The following MOGAT1 variants were observed in gnomAD, a reference collection of about 807,000 sequenced individuals.
The protein encoded by MOGAT1 is monoacylglycerol O-acyltransferase 1.
A neutral mutation model predicts 31.4 loss-of-function variants in MOGAT1; 32 were observed. That is an observed-to-expected ratio of 1.02 (90% confidence interval 0.77 to 1.37). MOGAT1 has a LOEUF of 1.37. Ranked by LOEUF, MOGAT1 falls within the 40% of genes most tolerant of loss-of-function variation. The pLI is 0.00. For missense variants in MOGAT1, 426 were observed against 402.0 expected (o/e 1.06, Z -0.51); for synonymous variants, 145 against 144.5 (o/e 1.00, Z -0.03).
At chr2:222,675,995 T>A (rs1574968413) in intron 1 of MOGAT1, among the ~76,000 whole-genome samples, 1 of 152,198 alleles carries the variant, frequency 6.6e-6, no homozygotes, top group Non-Finnish European at 1.5e-5. Flanking sequence ...AATCCCAGAA[T>A]GCATTTTTCT....
At chr2:222,687,643 T>G (rs1029651243) in intron 1 of MOGAT1, among the ~76,000 whole-genome samples, 2 of 152,194 alleles carry the variant, frequency 1.3e-5, no homozygotes, top group African/African-American at 4.8e-5. Context: ...CATAAACAAT[T>G]AGGATTGCTC....
In MOGAT1 at chr2:222,688,524, T is replaced by C. The variant is rs1692710576; in HGVS notation, c.273+2T>C. 1 of 1,590,306 alleles carries C rather than the reference T, an allele frequency of 6.3e-7. No individual in the cohort carries two copies. The highest frequency in any genetic ancestry group is 1.8e-5 in the Admixed American group (1 of 54,948). On this transcript the variant is annotated splice_donor_variant, in intron 2 of 5. Coordinates refer to ENST00000446656, the MANE Select transcript of MOGAT1 (RefSeq NM_058165.3). LOFTEE classifies it high-confidence loss of function. ...TTTAAGGACTATTTTCCAATTCATG[T>C]GAGTACAGTTGTTTTATAAAGTATT...
In MOGAT1 at chr2:222,688,639, C is replaced by T. The variant is rs182891692; in HGVS notation, c.273+117C>T. 73 of 740,864 alleles carry T rather than the reference C, an allele frequency of 9.9e-5. No individual in the cohort carries two copies. The Admixed American group carries it at 1.7e-3, about 17-fold the overall frequency. The allele number at this position is 740,864 out of a possible 1,614,324, so 45.9% of individuals were successfully genotyped here. On this transcript the variant is annotated intron_variant, in intron 2 of 5. Transcript: ENST00000446656. Reference sequence around the variant, plus strand: ...AGGGGATGTCTTAGTCTGTTTTGTGCTGCTGTAACAGAATACCAAAGACTA... The same window carrying T: ...AGGGGATGTCTTAGTCTGTTTTGTGTTGCTGTAACAGAATACCAAAGACTA...
intron 1 of MOGAT1, among the ~76,000 whole-genome samples, chr2:222,687,124 AAAAAAAAAAAAAAAAGAAAGAACAAG>A (rs1434192577): frequency 7.5e-5 from 9 of 119,896 alleles, no homozygotes; most frequent in Non-Finnish European, 5.0e-5. Context: ...AAAAAAAAAA[AAAAAAAAAAAAAAAAGAAAGAACAAG>A]AAAGAAAGAA....
chr2:222,696,708 C>T (rs1484089980), intron 5 of MOGAT1, among the ~76,000 whole-genome samples: 2 of 151,900 alleles, frequency 1.3e-5, no homozygotes, highest in African/African-American at 2.4e-5. Flanking sequence ...TGGGAGAATC[C>T]AGTTGAGGGA....
intron 1 of MOGAT1, among the ~76,000 whole-genome samples, chr2:222,672,889 TTTATTATTATTA>T (rs58396282): frequency 1.7e-4 from 23 of 139,220 alleles, no homozygotes; most frequent in Non-Finnish European, 2.4e-4. Flanking sequence ...CTGGAATTTG[TTTATTATTATTA>T]TTATTATTAT....
chr2:222,698,186 A>G (rs746728809), intron 5 of MOGAT1, among the ~76,000 whole-genome samples: 88 of 152,338 alleles, frequency 5.8e-4, no homozygotes, highest in Middle Eastern at 3.4e-3. Context: ...TGGTAGTACA[A>G]TCTGGGGAGT....
chr2:222,689,595 A>G, intron 3 of MOGAT1, 126 bp downstream of exon 3: 1 of 831,234 alleles, frequency 1.2e-6, no homozygotes, highest in Admixed American at 2.3e-5. Flanking sequence ...CTCATCTGGC[A>G]CTTCCTATGG....
intron 5 of MOGAT1, among the ~76,000 whole-genome samples, chr2:222,704,486 T>C (rs548311192): frequency 6.6e-6 from 1 of 151,904 alleles, no homozygotes; most frequent in East Asian, 1.9e-4. Flanking sequence ...TAGCCGGGCG[T>C]GGTGGTGGAC....
chr2:222,691,008 A>G (rs1469396239), intron 3 of MOGAT1, among the ~76,000 whole-genome samples: 5 of 152,196 alleles, frequency 3.3e-5, no homozygotes, highest in Admixed American at 3.3e-4. Flanking sequence ...CGTATAGTTA[A>G]GAGCAGGTTT....
At chr2:222,680,370 G>A (rs970503375) in intron 1 of MOGAT1, among the ~76,000 whole-genome samples, 1 of 152,206 alleles carries the variant, frequency 6.6e-6, no homozygotes, top group African/African-American at 2.4e-5. Flanking sequence ...CCTTCATCAG[G>A]CAAGGAAGTA....
intron 3 of MOGAT1, among the ~76,000 whole-genome samples, chr2:222,693,216 T>C (rs906057197): frequency 2.0e-5 from 3 of 152,242 alleles, no homozygotes; most frequent in African/African-American, 7.2e-5. Flanking sequence ...TGAAATGTAG[T>C]TCAAGACTGG....
rs116322699 is a variant in MOGAT1 at position 222,686,320 on chromosome 2, G to A, written c.95-2024G>A. 9.8e-3 allele frequency among the ~76,000 whole-genome samples: 1,492 copies of A among 152,250 alleles called. 11 individuals carry two copies. Among genetic ancestry groups the A allele is most frequent in the Middle Eastern group, 0.061 (18 of 294 alleles). ...CAACTGTAAAATGGGGCAATAACGT[G>A]TACCTTGGGGTTTCAAAGAGGAATA... is the stretch of plus-strand genomic sequence containing the variant. On this transcript the variant is annotated intron_variant, in intron 1 of 5. Coordinates refer to ENST00000446656, the MANE Select transcript of MOGAT1 (RefSeq NM_058165.3).
At chr2:222,677,356 G>A (rs974869726) in intron 1 of MOGAT1, among the ~76,000 whole-genome samples, 2 of 152,126 alleles carry the variant, frequency 1.3e-5, no homozygotes, top group African/African-American at 4.8e-5. Context: ...CGAGGTGGGT[G>A]GATCACGAGA....
intron 1 of MOGAT1, among the ~76,000 whole-genome samples, chr2:222,684,582 CT>C (rs1306809747): frequency 6.6e-6 from 1 of 151,928 alleles, no homozygotes; most frequent in African/African-American, 2.4e-5. Flanking sequence ...CAGTATCTTA[CT>C]TCTTTTTTTT....
At chr2:222,683,430 T>TA (rs60533237) in intron 1 of MOGAT1, among the ~76,000 whole-genome samples, 2,764 of 142,786 alleles carry the variant, frequency 0.019, 66 homozygotes, top group African/African-American at 0.061. Context: ...TCACTTAAAT[T>TA]AAAAAAAAAA....
chr2:222,685,787 G>T (rs1037411631), intron 1 of MOGAT1, among the ~76,000 whole-genome samples: 5 of 151,898 alleles, frequency 3.3e-5, no homozygotes, highest in African/African-American at 1.2e-4. Context: ...TTTTAGTAGA[G>T]ACAGGGTTTC....
Position 222,689,248 on chromosome 2 carries a change from A to G in MOGAT1, c.274-17A>G. 5.7e-6 allele frequency: 9 copies of G among 1,588,760 alleles called. No homozygotes were observed. In the South Asian group the frequency reaches 6.9e-5, roughly 12 times the overall value. ...GAAGTTTCTTTTTTTTAAAATCTCA[A>G]TATGAATGTGCTGTAGCTTATCAAA... On this transcript the variant is annotated splice_polypyrimidine_tract_variant and intron_variant, in intron 2 of 5. Transcript: ENST00000446656.
At chr2:222,687,663 C>T (rs1692694150) in intron 1 of MOGAT1, among the ~76,000 whole-genome samples, 1 of 152,186 alleles carries the variant, frequency 6.6e-6, no homozygotes, top group Admixed American at 6.5e-5. Context: ...CTCTCATTAT[C>T]ACATGTTGCA....
Sources: gnomAD v4.1 joint callset for allele counts (sites outside exome capture counted in the v4.1 genomes callset) on GRCh38, gnomAD v4.1.1 for gene constraint, MANE v1.5 for transcripts, NCBI Gene and HGNC (gene_info 2026-07-23, HGNC 2026-07-21) for gene names.